The following BRF1 variants were observed in gnomAD, a reference collection of about 807,000 sequenced individuals.
BRF1 encodes BRF1 general transcription factor IIIB subunit, also known as transcription factor IIIB 90 kDa subunit.
In BRF1, 59 loss-of-function variants were observed where a neutral mutation model predicts 81.7. That is an observed-to-expected ratio of 0.72 (90% confidence interval 0.59 to 0.90). The LOEUF (loss-of-function observed/expected upper bound fraction) is 0.90, where lower values mean the gene tolerates loss of function less well. Ranked by LOEUF, BRF1 falls within the 40% of genes least tolerant of loss-of-function variation. BRF1 has a pLI of 0.00. For missense variants in BRF1, 1,050 were observed against 936.3 expected, an observed-to-expected ratio of 1.12 and a Z score of -1.58; for synonymous variants, 491 against 395.6, an observed-to-expected ratio of 1.24 and a Z score of -2.86.
In BRF1 at chr14:105,226,179, A is replaced by T. The variant is rs1204589638; in HGVS notation, c.956-18T>A. On this transcript the variant is annotated intron_variant, in intron 9 of 17. Coordinates refer to ENST00000547530, the MANE Select transcript of BRF1 (RefSeq NM_001519.4). Reference sequence around the variant, plus strand: ...TATTTCACCTGAAGTCATAAGTTAAAAGCAAAAAGTCAGCATAAAATCAAT... The same window carrying T: ...TATTTCACCTGAAGTCATAAGTTAATAGCAAAAAGTCAGCATAAAATCAAT... 1.9e-6 allele frequency: 3 copies of T among 1,613,994 alleles called. No individual in the cohort carries two copies. Among genetic ancestry groups the T allele is most frequent in the Non-Finnish European group, 2.5e-6 (3 of 1,179,972 alleles).
At position 105,226,167 on chromosome 14, in the gene BRF1, G is replaced by A. The variant is rs748810379; in HGVS notation, c.956-6C>T. On this transcript the variant is annotated splice_polypyrimidine_tract_variant and splice_region_variant and intron_variant, in intron 9 of 17. Coordinates refer to ENST00000547530, the MANE Select transcript of BRF1 (RefSeq NM_001519.4). Reference sequence around the variant, plus strand: ...CTGGTAACTGGATATTTCACCTGAAGTCATAAGTTAAAAGCAAAAAGTCAG... The same window carrying A: ...CTGGTAACTGGATATTTCACCTGAAATCATAAGTTAAAAGCAAAAAGTCAG... 4 of 1,614,002 alleles carry A rather than the reference G, an allele frequency of 2.5e-6. No individual in the cohort carries two copies. Among genetic ancestry groups the A allele is most frequent in the South Asian group, 1.1e-5 (1 of 91,088 alleles).
intron 4 of BRF1, among the ~76,000 whole-genome samples, chr14:105,253,485 G>A (rs1461323583): frequency 6.6e-6 from 1 of 152,204 alleles, no homozygotes; most frequent in Non-Finnish European, 1.5e-5. Flanking sequence ...GACCAAGCCC[G>A]GCTCGTGGGC....
chr14:105,290,265 T>C (rs1242787899), intron 1 of BRF1, among the ~76,000 whole-genome samples: 1 of 151,858 alleles, frequency 6.6e-6, no homozygotes, highest in Non-Finnish European at 1.5e-5. Context: ...ACTAAAAATA[T>C]GAAATTACCC....
intron 10 of BRF1, among the ~76,000 whole-genome samples, chr14:105,225,043 C>A (rs752938305): frequency 2.4e-4 from 36 of 152,202 alleles, no homozygotes; most frequent in Non-Finnish European, 4.3e-4. Flanking sequence ...GCAAGTGGGC[C>A]CAGGCCGCAG....
At chr14:105,312,377 G>A (rs1427967742) in intron 1 of BRF1, among the ~76,000 whole-genome samples, 4 of 152,214 alleles carry the variant, frequency 2.6e-5, no homozygotes, top group African/African-American at 7.2e-5. Flanking sequence ...CGGGCAGCAC[G>A]TGGTAGGACC....
rs1207743676 is a variant in BRF1 at position 105,286,297 on chromosome 14, A to G, written c.264T>C (p.Asn88=). The G allele has an allele frequency of 1.2e-6, 2 of 1,612,824 alleles. No individual in the cohort carries two copies. Among genetic ancestry groups the G allele is most frequent in the Non-Finnish European group, 1.7e-6 (2 of 1,179,598 alleles). ...GKESRAQTLQ[N]GRRHIHHLGN... ...AGCAGCATCCGCGGTGGGAAATACC[A>G]TTCTGCAGGGTCTGCGCTCTCGACT... is the stretch of plus-strand genomic sequence containing the variant. The change falls in exon 2 of 18, where the codon AAT becomes AAC. Residue 88 remains asparagine, a splice_region_variant and synonymous_variant. Transcript: ENST00000547530.
In BRF1 at chr14:105,228,833, T is replaced by G. The variant is rs769193575; in HGVS notation, c.775A>C (p.Thr259Pro). 1.9e-6 allele frequency: 3 copies of G among 1,613,870 alleles called. No homozygotes were observed. Among genetic ancestry groups the G allele is most frequent in the Non-Finnish European group, 2.5e-6 (3 of 1,179,980 alleles). The change falls in exon 7 of 18, where the codon ACG becomes CCG. Residue 259 changes from threonine to proline, a missense_variant. This residue lies in a region of BRF1 where 1,043 missense variants were observed against 915.4 expected (regional missense o/e 1.14). Coordinates refer to ENST00000547530, the MANE Select transcript of BRF1 (RefSeq NM_001519.4). The stretch of plus-strand genomic sequence containing the variant: ...AGAGCCCCTCACCTCTTCCGCAGCG[T>G]GGACTCACACACTTTGACCACACTG... ...VISVVKVCESTLRKRLTEFED... is the reference protein window; with the variant it reads ...VISVVKVCESPLRKRLTEFED...
chr14:105,241,759 G>A (rs1016083614), intron 5 of BRF1: 1 of 326,660 alleles, frequency 3.1e-6, no homozygotes, highest in Non-Finnish European at 6.0e-6. Context: ...ACGCAACAAC[G>A]GTCCGGGGAC....
At chr14:105,214,383 C>G (rs587674509) in intron 15 of BRF1, among the ~76,000 whole-genome samples, 20 of 147,930 alleles carry the variant, frequency 1.4e-4, no homozygotes, top group Non-Finnish European at 2.6e-4. Context: ...GAGACAAGCT[C>G]GGAGGGAGCG....
chr14:105,216,692 A>G (rs1412711057), intron 15 of BRF1, among the ~76,000 whole-genome samples: 1 of 152,232 alleles, frequency 6.6e-6, no homozygotes, highest in East Asian at 1.9e-4. Flanking sequence ...CAAATACCGC[A>G]AACAACAGGA....
rs1418870946 is a variant in BRF1, at chr14:105,309,701, G to A, written c.-162+5621C>T. Among the ~76,000 whole-genome samples, 2 of 151,634 alleles carry A rather than the reference G, an allele frequency of 1.3e-5. No homozygotes were observed. The highest frequency in any genetic ancestry group is 2.9e-5 in the Non-Finnish European group (2 of 67,942). On this transcript the variant is annotated intron_variant, in intron 1 of 17. Coordinates refer to the BRF1 transcript ENST00000327359. The surrounding 1 kb of genome is among the most constrained non-coding windows in gnomAD (Gnocchi z 4.0). ...GGAGGGGAGCAGCGTGCAGGACACC[G>A]AGGATGTCATCACGACCTTAGGTCT...
chr14:105,247,983 C>A, intron 5 of BRF1: 2 of 985,490 alleles, frequency 2.0e-6, no homozygotes, highest in Non-Finnish European at 2.4e-6. Context: ...AGGCAGGGCG[C>A]GCCCTGGGGC....
chr14:105,214,440 C>CT (rs1278826039), intron 15 of BRF1, among the ~76,000 whole-genome samples: 24 of 151,570 alleles, frequency 1.6e-4, no homozygotes, highest in Admixed American at 1.4e-3. Context: ...CCATGCATGG[C>CT]CCACCCCTGC....
chr14:105,241,026 C>T (rs972620630), intron 6 of BRF1, among the ~76,000 whole-genome samples: 1 of 152,216 alleles, frequency 6.6e-6, no homozygotes, highest in Admixed American at 6.5e-5. Flanking sequence ...GGGGTCAAGG[C>T]CGCTCTGCCC....
intron 1 of BRF1, chr14:105,314,990 G>A (rs767806548): frequency 8.0e-7 from 1 of 1,252,436 alleles, no homozygotes; most frequent in South Asian, 1.6e-5. Flanking sequence ...CCATGAACCT[G>A]TTCGCCACCT....
chr14:105,249,916 C>A (rs1275061152), intron 5 of BRF1: 3 of 1,611,396 alleles, frequency 1.9e-6, no homozygotes, highest in South Asian at 1.1e-5. Flanking sequence ...CGCTGGAGAT[C>A]ATTGTCACTC....
rs1318497633 is a variant in BRF1 at position 105,241,263 on chromosome 14, A to G, written c.694+2T>C. 6.2e-7 allele frequency: 1 copy of G among 1,610,970 alleles called. No individual in the cohort carries two copies. Among genetic ancestry groups the G allele is most frequent in the African/African-American group, 1.3e-5 (1 of 74,898 alleles). ...CCCCCAGGCAGGCAGGGCCCGCTGT[A>G]CCTGCTCCGCAGAGGCCCGAGGGGC... On this transcript the variant is annotated splice_donor_variant, in intron 6 of 17. Coordinates refer to ENST00000547530, the MANE Select transcript of BRF1 (RefSeq NM_001519.4). LOFTEE classifies it high-confidence loss of function.
chr14:105,307,435 C>T (rs1179467612), intron 1 of BRF1, among the ~76,000 whole-genome samples: 1 of 152,148 alleles, frequency 6.6e-6, no homozygotes, highest in Non-Finnish European at 1.5e-5. Context: ...AAGGCTCTTG[C>T]CCACCCTTTC....
intron 5 of BRF1, 54 bp from the exon 6 acceptor site, chr14:105,241,468 C>T: frequency 3.1e-6 from 5 of 1,600,878 alleles, no homozygotes; most frequent in East Asian, 4.5e-5. Flanking sequence ...GGCACGTGCA[C>T]AGGCGGCCCA....
Sources: gnomAD v4.1 joint callset for allele counts (sites outside exome capture counted in the v4.1 genomes callset) on GRCh38, gnomAD v4.1.1 for gene constraint, gnomAD v4.1.1 regional missense constraint, Gnocchi (gnomAD v3.1) non-coding constraint, MANE v1.5 for transcripts, NCBI Gene and HGNC (gene_info 2026-07-23, HGNC 2026-07-21) for gene names.